The following MNT variants were observed in gnomAD, a reference collection of about 807,000 sequenced individuals.
MNT encodes MAX network transcriptional repressor, also known as max-binding protein MNT.
MNT carries 13 observed loss-of-function variants against 40.7 expected under a neutral mutation model. That is an observed-to-expected ratio of 0.32 (90% confidence interval 0.21 to 0.51). The LOEUF is 0.51. Among genes scored for constraint, MNT ranks in the 20% least tolerant of loss-of-function variants. MNT has a pLI of 0.98. For missense variants in MNT, 757 were observed against 792.0 expected (o/e 0.96, Z 0.53); for synonymous variants, 426 against 354.8 (o/e 1.20, Z -2.26).
In MNT at chr17:2,395,474, G is replaced by C; in HGVS notation, c.74-20C>G. ...GCTCCTCTACACAGAGAGAACACAA[G>C]GGGGGGAGGGTCTCAGCGGGGCCCC... On this transcript the variant is annotated intron_variant, in intron 1 of 5. Coordinates refer to ENST00000174618, the MANE Select transcript of MNT (RefSeq NM_020310.3). 5 of 1,608,140 alleles carry C rather than the reference G, an allele frequency of 3.1e-6. No homozygotes were observed. Among genetic ancestry groups the C allele is most frequent in the Middle Eastern group, 1.7e-4 (1 of 6,048 alleles).
rs372744565 is a variant in MNT at position 2,394,275 on chromosome 17, ACG to A, written c.695+28_695+29del. 3,243 of 1,514,778 alleles carry A rather than the reference ACG, an allele frequency of 2.1e-3. 10 individuals carry two copies. In the African/African-American group the frequency reaches 0.026, roughly 12 times the overall value. The allele number at this position is 1,514,778 out of a possible 1,614,324, so 93.8% of individuals were successfully genotyped here. On this transcript the variant is annotated intron_variant, in intron 3 of 5. Coordinates refer to ENST00000174618, the MANE Select transcript of MNT (RefSeq NM_020310.3). ...GCCCGGGTCGCGCGCGCACGCACGC[ACG>A]CACACACACACACACACACACACAC...
At chr17:2,388,990 C>T (rs767329715) in intron 4 of MNT, among the ~76,000 whole-genome samples, 1 of 152,112 alleles carries the variant, frequency 6.6e-6, no homozygotes, top group Non-Finnish European at 1.5e-5. Flanking sequence ...GTGCAGGGCC[C>T]GCAGGCTTTT....
In MNT at chr17:2,394,162, G is replaced by T; in HGVS notation, c.696-8C>A. ...TCTTTCAGATGGGCCCTCCTGAAGA[G>T]AGGGGCGAGCGCCGGTCAGCGGTGC... is the stretch of plus-strand genomic sequence containing the variant. On this transcript the variant is annotated splice_polypyrimidine_tract_variant and splice_region_variant and intron_variant, in intron 3 of 5. Coordinates refer to ENST00000174618, the MANE Select transcript of MNT (RefSeq NM_020310.3). The T allele has an allele frequency of 6.2e-7, 1 of 1,608,204 alleles. No homozygotes were observed. The highest frequency in any genetic ancestry group is 8.5e-7 in the Non-Finnish European group (1 of 1,177,460).
At chr17:2,398,580 A>G (rs1326896844) in intron 1 of MNT, among the ~76,000 whole-genome samples, 3 of 152,242 alleles carry the variant, frequency 2.0e-5, no homozygotes, top group Non-Finnish European at 4.4e-5. Context: ...ACACCCGTAC[A>G]TGAGTTTTTG....
Position 2,386,043 on chromosome 17 carries a change from CT to C in MNT, c.*857del, listed in dbSNP as rs1011532248. 2.7e-4 allele frequency: 38 copies of C among 139,486 alleles called. No homozygotes were observed. The highest frequency in any genetic ancestry group is 1.2e-3 in the African/African-American group (37 of 30,394). The allele number at this position is 139,486 out of a possible 1,614,324, so 8.6% of individuals were successfully genotyped here. ...TGGAAGCCAAGAGCCAAGCCCAGGGCTGGGGACTGGGGACTGGGGACAGGGG... is the reference window on the plus strand; with the variant it reads ...TGGAAGCCAAGAGCCAAGCCCAGGGCGGGGACTGGGGACTGGGGACAGGGG... On this transcript the variant is annotated 3_prime_UTR_variant, in exon 6 of 6. Coordinates refer to ENST00000174618, the MANE Select transcript of MNT (RefSeq NM_020310.3).
chr17:2,398,536 A>T (rs951822865), intron 1 of MNT, among the ~76,000 whole-genome samples: 4 of 152,190 alleles, frequency 2.6e-5, no homozygotes, highest in African/African-American at 9.6e-5. Flanking sequence ...AAGAAAATGA[A>T]TTCTGGAGGA....
chr17:2,392,836 G>A (rs974680398), intron 4 of MNT: 8 of 152,030 alleles, frequency 5.3e-5, no homozygotes, highest in Non-Finnish European at 7.4e-5. Flanking sequence ...GCGGCCTGGA[G>A]GCGCGCCAGC....
At chr17:2,393,909 A>G (rs141715625) in intron 4 of MNT, 134 bp downstream of exon 4, 3 of 477,578 alleles carry the variant, frequency 6.3e-6, no homozygotes, top group Non-Finnish European at 6.8e-6. Context: ...CCATGTGCTC[A>G]GCGCCCGCGT....
chr17:2,395,651 T>G (rs1047307460), intron 1 of MNT, among the ~76,000 whole-genome samples, 197 bp from the exon 2 acceptor site: 2 of 152,004 alleles, frequency 1.3e-5, no homozygotes, highest in African/African-American at 4.8e-5. Context: ...CAAGCAGACC[T>G]GTTCCCCGCC....
At chr17:2,393,970 G>T in intron 4 of MNT, 73 bp downstream of exon 4, 1 of 1,050,132 alleles carries the variant, frequency 9.5e-7, no homozygotes, top group Non-Finnish European at 1.3e-6. Flanking sequence ...GGGCGGGGCG[G>T]GGCGCGGCCG....
Position 2,384,970 on chromosome 17 carries a change from C to G in MNT, c.*1931G>C, listed in dbSNP as rs1365637636. The stretch of plus-strand genomic sequence containing the variant: ...GGCAGGCTGAGGGGAGGGGCGAGCT[C>G]CACGAGGCTGCTCTAACTGCCCCGT... On this transcript the variant is annotated 3_prime_UTR_variant, in exon 6 of 6. Coordinates refer to ENST00000174618, the MANE Select transcript of MNT (RefSeq NM_020310.3). 1.3e-5 allele frequency: 2 copies of G among 152,296 alleles called. No individual in the cohort carries two copies. The highest frequency in any genetic ancestry group is 6.5e-5 in the Admixed American group (1 of 15,284). 9.4% of individuals were successfully genotyped at this position (152,296 alleles called of 1,614,324 possible).
Position 2,386,988 on chromosome 17 carries a change from G to A in MNT, c.1662C>T (p.His554=), listed in dbSNP as rs758997137. ...GCACGGTCTGGCCCACCAGCTGGGGGTGGTGCACCACCTGAGCCCCCACGG... is the reference window on the plus strand; with the variant it reads ...GCACGGTCTGGCCCACCAGCTGGGGATGGTGCACCACCTGAGCCCCCACGG... The part of the protein sequence containing the change: ...KPAVGAQVVH[H]PQLVGQTVLN... The change falls in exon 6 of 6, where the codon CAC becomes CAT. Residue 554 remains histidine (H), a synonymous_variant. Coordinates refer to ENST00000174618, the MANE Select transcript of MNT (RefSeq NM_020310.3). The A allele has an allele frequency of 4.6e-6, 7 of 1,527,704 alleles. No individual in the cohort carries two copies. Among genetic ancestry groups the A allele is most frequent in the Non-Finnish European group, 6.2e-6 (7 of 1,134,728 alleles). The allele number at this position is 1,527,704 out of a possible 1,614,324, so 94.6% of individuals were successfully genotyped here.
chr17:2,394,909 C>T lies in MNT; in HGVS notation c.619G>A (p.Val207Ile), dbSNP rs1229557362. ...CTCTTCTTCTGTTCACTGGATTTGA[C>T]TTCTTCAGCTGGTGCCAACTTCAGG... is the stretch of plus-strand genomic sequence containing the variant. ...GTLKLAPAEEVKSSEQKKRPG... is the reference protein window; with the variant it reads ...GTLKLAPAEEIKSSEQKKRPG... Residue 207 changes from valine to isoleucine, a missense_variant, in exon 2 of 6, where the codon GTC (valine) becomes ATC (isoleucine). Coordinates refer to ENST00000174618, the MANE Select transcript of MNT (RefSeq NM_020310.3). 2 of 1,602,912 alleles carry T rather than the reference C, an allele frequency of 1.2e-6. No individual in the cohort carries two copies. Among genetic ancestry groups the T allele is most frequent in the Non-Finnish European group, 1.7e-6 (2 of 1,175,428 alleles).
At chr17:2,394,806 T>G (rs1186315293) in intron 2 of MNT, 69 bp downstream of exon 2, 1 of 1,200,080 alleles carries the variant, frequency 8.3e-7, no homozygotes, top group East Asian at 2.5e-5. Context: ...CACCTTGTCT[T>G]GCACACAGCC....
intron 1 of MNT, 136 bp downstream of exon 1, chr17:2,400,504 C>T: frequency 4.1e-6 from 3 of 732,350 alleles, no homozygotes; most frequent in Non-Finnish European, 6.2e-6. Flanking sequence ...CGGCGGCTCT[C>T]GCGGGGAGCC....
At chr17:2,394,228 G>A in intron 3 of MNT, 74 bp from the exon 4 acceptor site, 1 of 1,595,038 alleles carries the variant, frequency 6.3e-7, no homozygotes, top group Non-Finnish European at 8.5e-7. Flanking sequence ...GACCGGGGAA[G>A]CTGGGGCCGA....
rs763804209 is a variant in MNT, at chr17:2,387,578, G to C, written c.1072C>G (p.Arg358Gly). The C allele has an allele frequency of 6.2e-7, 1 of 1,614,072 alleles. No individual in the cohort carries two copies. The highest frequency in any genetic ancestry group is 8.5e-7 in the Non-Finnish European group (1 of 1,179,992). The change falls in exon 6 of 6, where the codon CGT (arginine) becomes GGT (glycine). Residue 358 changes from arginine to glycine, a missense_variant. Arg to Gly is a moderately radical substitution (Grantham distance 125). Transcript: ENST00000174618. The stretch of plus-strand genomic sequence containing the variant: ...GACTTCAGCAGCTCCGGCTGGGGAC[G>C]ATGGCTCAGCTTAGGTGGGCCCAGG... The part of the protein sequence containing the change: ...AGLGPPKLSH[R>G]PQPELLKSTL...
intron 4 of MNT, among the ~76,000 whole-genome samples, chr17:2,393,186 A>G (rs2066538812): frequency 1.2e-5 from 1 of 80,670 alleles, no homozygotes. Flanking sequence ...TCCATCCCCT[A>G]CGGCTCCGCG....
intron 4 of MNT, among the ~76,000 whole-genome samples, chr17:2,392,539 CG>C: frequency 6.6e-6 from 1 of 152,364 alleles, no homozygotes; most frequent in East Asian, 1.9e-4. Context: ...GGGAGTGCAG[CG>C]AAGTGTCTGC....
Sources: allele counts gnomAD v4.1 joint callset (sites outside exome capture counted in the v4.1 genomes callset), GRCh38; gene constraint gnomAD v4.1.1; transcripts MANE v1.5; gene names NCBI Gene and HGNC (gene_info 2026-07-23, HGNC 2026-07-21).